Variants in ADGRG4 observed in about 807,000 individuals in gnomAD.
The protein encoded by ADGRG4 is adhesion G protein-coupled receptor G4.
A neutral mutation model predicts 126.2 loss-of-function variants in ADGRG4; 122 were observed. That is an observed-to-expected ratio of 0.97 (90% CI 0.83 to 1.12). The LOEUF (loss-of-function observed/expected upper bound fraction) is 1.12, where lower values mean the gene tolerates loss of function less well. Among genes scored for constraint, ADGRG4 ranks in the 50% most tolerant of loss-of-function variants. The pLI is 0.00. For synonymous variants in ADGRG4, 943 were observed against 838.7 expected, an observed-to-expected ratio of 1.12 and a Z score of -2.15; for missense variants, 2,481 against 2,251.8, an observed-to-expected ratio of 1.10 and a Z score of -2.06.
chrX:136,365,954 C>T (rs1458579148), intron 13 of ADGRG4, among the ~76,000 whole-genome samples: 1 of 112,054 alleles, frequency 8.9e-6, no homozygotes, highest in South Asian at 3.8e-4. Flanking sequence ...TGCCCTCCCC[C>T]AACCACCTGC....
At chrX:136,375,083 G>T (rs777810559) in intron 15 of ADGRG4, among the ~76,000 whole-genome samples, 1 of 109,937 alleles carries the variant, frequency 9.1e-6, no homozygotes, top group East Asian at 2.9e-4. Flanking sequence ...TCATTCTTAT[G>T]CCTTTGTGTC....
chrX:136,374,255 C>G (rs749433419), intron 15 of ADGRG4, among the ~76,000 whole-genome samples: 3 of 109,617 alleles, frequency 2.7e-5, no homozygotes, highest in Admixed American at 1.9e-4. Context: ...ACAACAGATT[C>G]CTTGTCTGTT....
At chrX:136,381,091 A>G (rs1273312268) in intron 15 of ADGRG4, among the ~76,000 whole-genome samples, 2 of 111,234 alleles carry the variant, frequency 1.8e-5, no homozygotes, top group African/African-American at 6.5e-5. Flanking sequence ...AATCCTAAAA[A>G]GCTGTAAATA....
chrX:136,382,214 A>C (rs1349438613), intron 15 of ADGRG4, among the ~76,000 whole-genome samples: 1 of 111,869 alleles, frequency 8.9e-6, no homozygotes. Flanking sequence ...TAATACAACT[A>C]TCCTTTGTAC....
chrX:136,396,615 A>G (rs1603300107), intron 19 of ADGRG4, among the ~76,000 whole-genome samples: 1 of 100,832 alleles, frequency 9.9e-6, no homozygotes, highest in African/African-American at 3.6e-5. Context: ...AAAAAAAGAG[A>G]GAGAGAGAGA....
At chrX:136,340,147 A>G (rs1265703748) in intron 5 of ADGRG4, among the ~76,000 whole-genome samples, 1 of 111,993 alleles carries the variant, frequency 8.9e-6, no homozygotes, top group Non-Finnish European at 1.9e-5. Flanking sequence ...AAAAGTATGT[A>G]CAGATTAAGA....
chrX:136,351,378 A>T, intron 6 of ADGRG4, 69 bp from the exon 7 acceptor site: 1 of 618,402 alleles, frequency 1.6e-6, no homozygotes, highest in Non-Finnish European at 2.5e-6. Context: ...AACACTTTTC[A>T]CCAAATTTAC....
chrX:136,349,764 C>T lies in ADGRG4; in HGVS notation c.6058C>T (p.Pro2020Ser), dbSNP rs190715738. ...LLSSLPSGSPPATVSNAPHVM... is the reference protein window; with the variant it reads ...LLSSLPSGSPSATVSNAPHVM... ...ATCTAGTCTCCCTTCTGGCTCCCCT[C>T]CGGCAACTGTATCTAATGCCCCTCA... The change falls in exon 6 of 26, where the codon CCG becomes TCG. Residue 2020 changes from proline (P) to serine (S), a missense_variant. Transcript: ENST00000394143. The T allele has an allele frequency of 1.7e-6, 2 of 1,207,731 alleles. No individual in the cohort carries two copies. The highest frequency in any genetic ancestry group is 3.5e-5 in the African/African-American group (2 of 56,835).
rs770600757 is a variant in ADGRG4 at position 136,392,356 on chromosome X, T to C, written c.8034+2T>C. Reference sequence around the variant, plus strand: ...CTGCAGCATATTGGAGGAAACCAGGTAATATATCTATTTTCAGCTCAGAAT... The same window carrying C: ...CTGCAGCATATTGGAGGAAACCAGGCAATATATCTATTTTCAGCTCAGAAT... On this transcript the variant is annotated splice_donor_variant, in intron 17 of 25. Coordinates refer to ENST00000394143, the MANE Select transcript of ADGRG4 (RefSeq NM_153834.4). LOFTEE classifies it high-confidence loss of function. 8.7e-6 allele frequency: 10 copies of C among 1,148,400 alleles called. No individual in the cohort carries two copies. Among genetic ancestry groups the C allele is most frequent in the Admixed American group, 2.5e-5 (1 of 40,615 alleles). The allele number at this position is 1,148,400 out of a possible 1,213,427, so 94.6% of individuals were successfully genotyped here. A position where few individuals can be genotyped will look rare whatever the true frequency, so the allele number is the denominator to read the frequency against.
chrX:136,382,371 T>C (rs1226768272), intron 15 of ADGRG4, among the ~76,000 whole-genome samples: 1 of 112,394 alleles, frequency 8.9e-6, no homozygotes, highest in Non-Finnish European at 1.9e-5. Context: ...AGTGTATACA[T>C]GCACAAACAT....
At position 136,372,990 on chromosome X, in the gene ADGRG4, G is replaced by A; in HGVS notation, c.7702G>A (p.Val2568Met). 5 of 1,211,179 alleles carry A rather than the reference G, an allele frequency of 4.1e-6. No individual in the cohort carries two copies. The South Asian group carries it at 8.8e-5, about 21-fold the overall frequency. The change falls in exon 15 of 26, where the codon GTG becomes ATG. Residue 2568 changes from valine (V) to methionine (M), a missense_variant. Physicochemically the swap from Val to Met is conservative, Grantham distance 21. Coordinates refer to ENST00000394143, the MANE Select transcript of ADGRG4 (RefSeq NM_153834.4). ...GACGGTGGCCGGGCTGGCTTTGGCTGTGCTGCGGGGGGACCACACGTTTGA... is the reference window on the plus strand; with the variant it reads ...GACGGTGGCCGGGCTGGCTTTGGCTATGCTGCGGGGGGACCACACGTTTGA... ...NLTVAGLALA[V>M]LRGDHTFDGM...
chrX:136,339,127 A>T (rs1035353053), intron 5 of ADGRG4, among the ~76,000 whole-genome samples: 1 of 110,967 alleles, frequency 9.0e-6, no homozygotes, highest in Non-Finnish European at 1.9e-5. Context: ...CAGGAAAGGA[A>T]AATCTTGGGC....
chrX:136,403,196 C>T (rs2148498413), intron 21 of ADGRG4, 48 bp from the exon 22 acceptor site: 1 of 1,010,254 alleles, frequency 9.9e-7, no homozygotes, highest in South Asian at 1.9e-5. Context: ...GATTAGGTTG[C>T]CTCCCTGCTA....
In ADGRG4 at chrX:136,308,991, A is replaced by C; in HGVS notation, c.70+144A>C. 10 of 430,186 alleles carry C rather than the reference A, an allele frequency of 2.3e-5. No homozygotes were observed. In the East Asian group the frequency reaches 3.8e-4, roughly 16 times the overall value. The allele number at this position is 430,186 out of a possible 1,213,427, so 35.5% of individuals were successfully genotyped here. A position where few individuals can be genotyped will look rare whatever the true frequency, so the allele number is the denominator to read the frequency against. On this transcript the variant is annotated intron_variant, in intron 4 of 25. Coordinates refer to ENST00000394143, the MANE Select transcript of ADGRG4 (RefSeq NM_153834.4). ...TTTTGGTCAATATGGCTACAGAAGA[A>C]GCTGAAGCATCAGTAAGTGAATTAA...
In ADGRG4 at chrX:136,345,307, A is replaced by G. The variant is rs1205486190; in HGVS notation, c.1601A>G (p.Asp534Gly). ...GAATTGACATCTACAAATTTTCAGG[A>G]TGTCTCTTTACCCAGAGTGGAAGAT... The part of the protein sequence containing the change: ...ETELTSTNFQ[D>G]VSLPRVEDAM... Residue 534 changes from aspartate to glycine, a missense_variant, in exon 6 of 26, where the codon GAT becomes GGT. By Grantham distance (94) the Asp-to-Gly change is moderately conservative. Transcript: ENST00000394143. 2 of 1,208,816 alleles carry G rather than the reference A, an allele frequency of 1.7e-6. No individual in the cohort carries two copies. The highest frequency in any genetic ancestry group is 2.2e-6 in the Non-Finnish European group (2 of 894,247).
Position 136,346,480 on chromosome X carries a change from A to G in ADGRG4, c.2774A>G (p.Asn925Ser), listed in dbSNP as rs765431850. Residue 925 changes from asparagine to serine, a missense_variant, in exon 6 of 26, where the codon AAT (asparagine) becomes AGT (serine). By Grantham distance (46) the Asn-to-Ser change is conservative (BLOSUM62 1). Transcript: ENST00000394143. ...LVKTTPRSSYNEMTEMFNFNH... is the reference protein window; with the variant it reads ...LVKTTPRSSYSEMTEMFNFNH... ...AAAACCACACCTAGGAGTTCATACA[A>G]TGAAATGACAGAAATGTTTAATTTT... 2.5e-6 allele frequency: 3 copies of G among 1,210,898 alleles called. No homozygotes were observed. In the Admixed American group the frequency reaches 6.5e-5, roughly 26 times the overall value.
chrX:136,334,880 T>A (rs565558929), intron 5 of ADGRG4, among the ~76,000 whole-genome samples: 34 of 110,868 alleles, frequency 3.1e-4, no homozygotes, highest in Middle Eastern at 4.7e-3. Flanking sequence ...CCTTAAAAAA[T>A]TTTTTTTTGC....
chrX:136,413,715 G>A (rs1265240460), intron 24 of ADGRG4, among the ~76,000 whole-genome samples: 12 of 104,660 alleles, frequency 1.1e-4, no homozygotes, highest in Non-Finnish European at 2.3e-4. Context: ...TGTGCATCAA[G>A]CTTTGTTTTT....
At chrX:136,408,076 A>C (rs1429096531) in intron 23 of ADGRG4, among the ~76,000 whole-genome samples, 2 of 112,222 alleles carry the variant, frequency 1.8e-5, no homozygotes, top group East Asian at 5.6e-4. Flanking sequence ...GAAAGCTGGC[A>C]AAAGATCAAG....
Sources: allele counts gnomAD v4.1 joint callset (sites outside exome capture counted in the v4.1 genomes callset), GRCh38; gene constraint gnomAD v4.1.1; transcripts MANE v1.5; gene names NCBI Gene and HGNC (gene_info 2026-07-23, HGNC 2026-07-21).